Variants in VPS53 observed in about 807,000 individuals in gnomAD.
The protein encoded by VPS53 is VPS53 subunit of GARP complex.
VPS53 carries 70 observed loss-of-function variants against 107.0 expected under a neutral mutation model. That is an observed-to-expected ratio of 0.65 (90% confidence interval 0.54 to 0.80). VPS53 has a LOEUF of 0.80. Ranked by LOEUF, VPS53 falls within the 30% of genes least tolerant of loss-of-function variation. VPS53 has a pLI of 0.00. For synonymous variants in VPS53, 409 were observed against 393.3 expected (o/e 1.04, Z -0.47); for missense variants, 917 against 1,049.4 (o/e 0.87, Z 1.74).
At position 519,416 on chromosome 17, in the gene VPS53, A is replaced by T; in HGVS notation, c.2329-118T>A. 9.2e-7 allele frequency: 1 copy of T among 1,087,864 alleles called. No homozygotes were observed. 67.4% of individuals were successfully genotyped at this position (1,087,864 alleles called of 1,614,324 possible). A position where few individuals can be genotyped will look rare whatever the true frequency, so the allele number is the denominator to read the frequency against. On this transcript the variant is annotated intron_variant, in intron 21 of 21. Transcript: ENST00000437048. This position sits in a 1 kb window ranked among gnomAD's most constrained non-coding sequence, Gnocchi z 5.0. ...GCTCTGGAGACAGCATAGTTACTCCAGGCTGAGGATGAACCGTTTCCTCAA... is the reference window on the plus strand; with the variant it reads ...GCTCTGGAGACAGCATAGTTACTCCTGGCTGAGGATGAACCGTTTCCTCAA...
chr17:634,392 C>A (rs1970100504), intron 7 of VPS53, among the ~76,000 whole-genome samples: 1 of 152,018 alleles, frequency 6.6e-6, no homozygotes, highest in South Asian at 2.1e-4. Flanking sequence ...ATTATGTACA[C>A]CTTATTTTTT....
intron 12 of VPS53, among the ~76,000 whole-genome samples, chr17:597,666 C>T (rs1968039781): frequency 6.6e-6 from 1 of 152,120 alleles, no homozygotes. Flanking sequence ...CCTCAGCCTC[C>T]TGAGTAGCTG....
chr17:527,128 T>C (rs1909179194), intron 19 of VPS53, among the ~76,000 whole-genome samples: 1 of 152,246 alleles, frequency 6.6e-6, no homozygotes, highest in African/African-American at 2.4e-5. Flanking sequence ...GTGCACATCC[T>C]GCTGCCTAAC....
Position 628,313 on chromosome 17 carries a change from C to G in VPS53, c.688-82G>C, listed in dbSNP as rs1969804997. 12 of 1,525,468 alleles carry G rather than the reference C, an allele frequency of 7.9e-6. No homozygotes were observed. The Middle Eastern group carries it at 5.3e-4, about 67-fold the overall frequency. 94.5% of individuals were successfully genotyped at this position (1,525,468 alleles called of 1,614,324 possible). ...GCTTCTCACAGCCACTACTTGTTAT[C>G]TCTACGCATTGTCAGTCTTACTCCT... On this transcript the variant is annotated intron_variant, in intron 8 of 21. Coordinates refer to ENST00000437048, the MANE Select transcript of VPS53 (RefSeq NM_001128159.3).
chr17:695,426 G>A (rs1332869435), intron 4 of VPS53, among the ~76,000 whole-genome samples: 1 of 152,202 alleles, frequency 6.6e-6, no homozygotes, highest in Non-Finnish European at 1.5e-5. Flanking sequence ...AAAAGAGTCT[G>A]TAAGCACAGG....
intron 4 of VPS53, 39 bp downstream of exon 4, chr17:697,379 C>A: frequency 6.4e-7 from 1 of 1,569,244 alleles, no homozygotes; most frequent in Non-Finnish European, 8.8e-7. Context: ...CGGGAGAAAC[C>A]AGGGGAGCAT....
intron 7 of VPS53, among the ~76,000 whole-genome samples, chr17:643,599 C>T (rs201114616): frequency 4.2e-3 from 524 of 124,228 alleles, no homozygotes; most frequent in Middle Eastern, 0.016. Flanking sequence ...ACTTGGCAAC[C>T]GAGGACAACA....
At chr17:593,692 C>T (rs1967802446) in intron 12 of VPS53, among the ~76,000 whole-genome samples, 1 of 152,170 alleles carries the variant, frequency 6.6e-6, no homozygotes, top group East Asian at 1.9e-4. Flanking sequence ...GAAACAGGAA[C>T]ACTTTTACAC....
rs1362623853 is a variant in VPS53, at chr17:671,151, C to T, written c.286-9256G>A. Among the ~76,000 whole-genome samples the T allele has an allele frequency of 3.3e-5, 5 of 151,808 alleles. No individual in the cohort carries two copies. The East Asian group carries it at 9.7e-4, about 29-fold the overall frequency. On this transcript the variant is annotated intron_variant, in intron 4 of 21. Transcript: ENST00000437048. ...GAGGATGAGGCAGGAGAATCGCCTG[C>T]ACCTAGGAGGTGGAGGTTGCAGTGA...
rs1232205050 is a variant in VPS53, at chr17:658,245, C to T, written c.373-2292G>A. ...GAAGTGAGACACTCGGCCGTGAGTTCGTGGATAGATAACATCCCACTAAAG... is the reference window on the plus strand; with the variant it reads ...GAAGTGAGACACTCGGCCGTGAGTTTGTGGATAGATAACATCCCACTAAAG... On this transcript the variant is annotated intron_variant, in intron 5 of 21. Coordinates refer to ENST00000437048, the MANE Select transcript of VPS53 (RefSeq NM_001128159.3). Among the ~76,000 whole-genome samples, 4 of 96,030 alleles carry T rather than the reference C, an allele frequency of 4.2e-5. 1 individual carries two copies. Among genetic ancestry groups the T allele is most frequent in the Non-Finnish European group, 9.9e-5 (4 of 40,516 alleles). The allele number at this position is 96,030 out of a possible 152,430, so 63.0% of individuals were successfully genotyped here.
At chr17:629,002 G>C (rs910332898) in intron 8 of VPS53, among the ~76,000 whole-genome samples, 1 of 152,184 alleles carries the variant, frequency 6.6e-6, no homozygotes, top group African/African-American at 2.4e-5. Flanking sequence ...AAGAACACTT[G>C]GAATCTACTC....
intron 7 of VPS53, among the ~76,000 whole-genome samples, chr17:636,990 T>C (rs1418591726): frequency 2.0e-5 from 3 of 152,054 alleles, no homozygotes; most frequent in Middle Eastern, 6.8e-3. Context: ...TCAGAAGGAA[T>C]GGTACCAGCT....
intron 12 of VPS53, 89 bp from the exon 13 acceptor site, chr17:586,453 T>A: frequency 8.0e-7 from 1 of 1,253,120 alleles, no homozygotes; most frequent in Non-Finnish European, 1.1e-6. Context: ...TCAAAGTTCA[T>A]TCCTAAGTCA....
intron 11 of VPS53, among the ~76,000 whole-genome samples, chr17:605,830 C>T (rs928987426): frequency 1.3e-5 from 2 of 151,598 alleles, no homozygotes; most frequent in Non-Finnish European, 2.9e-5. Context: ...AGAGGGGTGG[C>T]GGGAGCCCCA....
chr17:529,417 C>CAT (rs1374938614), intron 19 of VPS53, among the ~76,000 whole-genome samples: 1 of 151,948 alleles, frequency 6.6e-6, no homozygotes, highest in Non-Finnish European at 1.5e-5. Flanking sequence ...CACACACACA[C>CAT]ACACACCCCT....
chr17:552,068 T>C (rs946731764), intron 16 of VPS53, 118 bp from the exon 17 acceptor site: 4 of 935,542 alleles, frequency 4.3e-6, no homozygotes, highest in African/African-American at 3.3e-5. Context: ...GTTTGAGCTT[T>C]AATTAATGAC....
chr17:536,995 A>C, intron 18 of VPS53, 33 bp downstream of exon 18: 1 of 1,610,342 alleles, frequency 6.2e-7, no homozygotes, highest in Non-Finnish European at 8.5e-7. Flanking sequence ...AAAAAGAACA[A>C]GAACCCAGAG....
intron 19 of VPS53, among the ~76,000 whole-genome samples, chr17:528,470 G>T (rs1193041464): frequency 9.2e-5 from 14 of 152,058 alleles, no homozygotes; most frequent in Admixed American, 9.2e-4. Context: ...TGTATGGATA[G>T]ACCACATTTT....
intron 13 of VPS53, among the ~76,000 whole-genome samples, chr17:566,564 AATGGAGGGTGGGAAGGTGGAAACGGG>A (rs1391253986): frequency 6.6e-6 from 1 of 151,836 alleles, no homozygotes; most frequent in Non-Finnish European, 1.5e-5. Flanking sequence ...AGGGGATGGG[AATGGAGGGTGGGAAGGTGGAAACGGG>A]ATGGAGGCCG....
Sources: allele counts gnomAD v4.1 joint callset (sites outside exome capture counted in the v4.1 genomes callset), GRCh38; gene constraint gnomAD v4.1.1; non-coding constraint Gnocchi (gnomAD v3.1); transcripts MANE v1.5; gene names NCBI Gene and HGNC (gene_info 2026-07-23, HGNC 2026-07-21).